SCAF11: variants seen among roughly 807,000 people sequenced by gnomAD.
SCAF11 encodes SR-related CTD associated factor 11.
In SCAF11, 47 loss-of-function variants were observed where a neutral mutation model predicts 140.5. The ratio of observed to expected loss-of-function variants is 0.33; its 90% CI spans 0.26 to 0.43. SCAF11 has a LOEUF of 0.43. Among genes scored for constraint, SCAF11 ranks in the 20% least tolerant of loss-of-function variants. The pLI is 1.00. For missense variants in SCAF11, 1,645 were observed against 1,705.1 expected, an observed-to-expected ratio of 0.96 and a Z score of 0.62; for synonymous variants, 557 against 579.4, an observed-to-expected ratio of 0.96 and a Z score of 0.55.
At chr12:45,973,034 A>G (rs1206883761) in intron 1 of SCAF11, among the ~76,000 whole-genome samples, 1 of 147,334 alleles carries the variant, frequency 6.8e-6, no homozygotes, top group African/African-American at 2.5e-5. Flanking sequence ...ATATAGATAT[A>G]GATATATAGA....
intron 13 of SCAF11, 89 bp downstream of exon 13, chr12:45,922,847 C>CCCTT: frequency 8.3e-7 from 1 of 1,211,742 alleles, no homozygotes; most frequent in Non-Finnish European, 1.2e-6. Context: ...ATAAGAAATT[C>CCCTT]CCTTCACCAC....
upstream of SCAF11, among the ~76,000 whole-genome samples, chr12:45,991,052 C>A (rs571329596): frequency 3.4e-4 from 52 of 152,360 alleles, no homozygotes; most frequent in African/African-American, 1.2e-3. Context: ...TTATGGTAAT[C>A]TGATATTGAA....
intron 3 of SCAF11, among the ~76,000 whole-genome samples, chr12:45,952,078 G>A (rs922770671): frequency 1.3e-5 from 2 of 152,066 alleles, no homozygotes; most frequent in Admixed American, 6.6e-5. Context: ...AAATGGCTCC[G>A]AAAGGTTCCT....
At chr12:45,954,736 T>TC (rs1447326454) in intron 3 of SCAF11, 1 of 146,434 alleles carries the variant, frequency 6.8e-6, no homozygotes, top group Non-Finnish European at 1.5e-5. Flanking sequence ...TGCCTAGCTT[T>TC]TTTTTTTTTT....
At chr12:45,952,416 T>G (rs565571275) in intron 3 of SCAF11, among the ~76,000 whole-genome samples, 2 of 152,328 alleles carry the variant, frequency 1.3e-5, no homozygotes, top group South Asian at 4.1e-4. Flanking sequence ...GGAGTAAGGT[T>G]GAGCACATTT....
intron 4 of SCAF11, among the ~76,000 whole-genome samples, chr12:45,950,543 C>CAATTTCCA (rs1565675448): frequency 6.6e-6 from 1 of 152,124 alleles, no homozygotes; most frequent in Non-Finnish European, 1.5e-5. Context: ...ATTATACATA[C>CAATTTCCA]AAACAGCGTT....
intron 1 of SCAF11, among the ~76,000 whole-genome samples, chr12:45,986,684 A>C (rs1223399957): frequency 6.6e-6 from 1 of 152,208 alleles, no homozygotes; most frequent in Non-Finnish European, 1.5e-5. Context: ...CATAATTCCC[A>C]CGTGTTGTGG....
At chr12:45,978,636 G>A (rs1946287426) in intron 1 of SCAF11, among the ~76,000 whole-genome samples, 1 of 152,124 alleles carries the variant, frequency 6.6e-6, no homozygotes, top group Non-Finnish European at 1.5e-5. Context: ...AGGCATCTTG[G>A]ATGGACGTAT....
intron 1 of SCAF11, among the ~76,000 whole-genome samples, chr12:45,972,943 T>G (rs11183267): frequency 0.015 from 863 of 59,094 alleles, 57 homozygotes; most frequent in East Asian, 0.069. Flanking sequence ...TATATAGATA[T>G]ATATATAGAT....
chr12:45,920,340 A>AGT lies in SCAF11; in HGVS notation c.*1707_*1708insAC, dbSNP rs1944678521. On this transcript the variant is annotated 3_prime_UTR_variant, in exon 15 of 15. Coordinates refer to ENST00000369367, the MANE Select transcript of SCAF11 (RefSeq NM_004719.3). ...GAAACAGATAATCTTTACTTTAGAAAAGCACAGTTCTACAGAGTATTGCTC... is the reference window on the plus strand; with the variant it reads ...GAAACAGATAATCTTTACTTTAGAAAGTAGCACAGTTCTACAGAGTATTGCTC... 6.6e-6 allele frequency: 1 copy of AGT among 152,230 alleles called. No homozygotes were observed. The highest frequency in any genetic ancestry group is 1.5e-5 in the Non-Finnish European group (1 of 68,030). 9.4% of individuals were successfully genotyped at this position (152,230 alleles called of 1,614,324 possible).
In SCAF11 at chr12:45,927,275, T is replaced by C. The variant is rs189736651; in HGVS notation, c.2426A>G (p.Gln809Arg). The C allele has an allele frequency of 1.4e-5, 22 of 1,613,888 alleles. No individual in the cohort carries two copies. Among genetic ancestry groups the C allele is most frequent in the African/African-American group, 4.0e-5 (3 of 74,964 alleles). The part of the protein sequence containing the change: ...TTWSPNKDTP[Q>R]EKKRPQSPSP... ...TGGAGACTGGGGCCGCTTCTTTTCT[T>C]GTGGAGTGTCTTTGTTGGGTGACCA... is the stretch of plus-strand genomic sequence containing the variant. Residue 809 changes from glutamine (Q) to arginine (R), a missense_variant, in exon 11 of 15, where the codon CAA (glutamine) becomes CGA (arginine). Gln to Arg is a conservative substitution (Grantham distance 43). Coordinates refer to ENST00000369367, the MANE Select transcript of SCAF11 (RefSeq NM_004719.3).
chr12:45,990,263 C>G, intron 1 of SCAF11, 90 bp downstream of exon 1: 3 of 1,230,052 alleles, frequency 2.4e-6, no homozygotes, highest in Non-Finnish European at 3.0e-6. Flanking sequence ...CGCCCTAGGC[C>G]CGCTCCAGCG....
chr12:45,935,861 A>T (rs1171157557), intron 6 of SCAF11, among the ~76,000 whole-genome samples: 3 of 152,152 alleles, frequency 2.0e-5, no homozygotes, highest in Non-Finnish European at 2.9e-5. Context: ...GATACTGGTG[A>T]ATTTGTCTAA....
At chr12:45,922,400 CATTT>C (rs1944736754) in intron 14 of SCAF11, 59 bp downstream of exon 14, 2 of 1,558,736 alleles carry the variant, frequency 1.3e-6, no homozygotes, top group Admixed American at 2.3e-5. Context: ...CTTCAGCATT[CATTT>C]ATTAAAACAG....
chr12:45,969,472 T>C (rs1040757259), intron 1 of SCAF11, among the ~76,000 whole-genome samples: 8 of 152,196 alleles, frequency 5.3e-5, no homozygotes, highest in Non-Finnish European at 7.3e-5. Flanking sequence ...TATCTAAAGA[T>C]ACCTACATCC....
chr12:45,941,694 G>T (rs1201361686), intron 6 of SCAF11, among the ~76,000 whole-genome samples: 4 of 152,070 alleles, frequency 2.6e-5, no homozygotes, highest in Non-Finnish European at 5.9e-5. Context: ...AGTTCCTTAG[G>T]TCAAGACCTT....
At chr12:45,945,374 T>G (rs1372529484) in intron 5 of SCAF11, 61 bp from the exon 6 acceptor site, 2 of 964,060 alleles carry the variant, frequency 2.1e-6, no homozygotes, top group East Asian at 4.8e-5. Context: ...TGCTCACTTA[T>G]TTTCAACTCA....
intron 1 of SCAF11, among the ~76,000 whole-genome samples, chr12:45,987,275 C>T (rs568651153): frequency 6.6e-5 from 10 of 152,246 alleles, no homozygotes; most frequent in Admixed American, 3.3e-4. Context: ...AAAACAAGGA[C>T]CCCTGAAATG....
At chr12:45,939,433 C>T (rs879881951) in intron 6 of SCAF11, among the ~76,000 whole-genome samples, 3 of 152,156 alleles carry the variant, frequency 2.0e-5, no homozygotes, top group Non-Finnish European at 4.4e-5. Context: ...CAGTGGTTCA[C>T]GCCTGTAATC....
Sources: gnomAD v4.1 joint callset for allele counts (sites outside exome capture counted in the v4.1 genomes callset) on GRCh38, gnomAD v4.1.1 for gene constraint, MANE v1.5 for transcripts, NCBI Gene and HGNC (gene_info 2026-07-23, HGNC 2026-07-21) for gene names.